SOBP: variants seen among roughly 807,000 people sequenced by gnomAD.
SOBP encodes the protein sine oculis binding protein homolog.
Under a neutral mutation model 53.6 loss-of-function variants are expected in SOBP, and 4 were observed. The ratio of observed to expected loss-of-function variants is 0.07; its 90% CI spans 0.04 to 0.17. The LOEUF (loss-of-function observed/expected upper bound fraction) is 0.17, where lower values mean the gene tolerates loss of function less well. Ranked by LOEUF, SOBP falls within the 10% of genes least tolerant of loss-of-function variation. The pLI is 1.00. For missense variants in SOBP, 1,088 were observed against 1,204.7 expected, an observed-to-expected ratio of 0.90 and a Z score of 1.43; for synonymous variants, 584 against 522.6, an observed-to-expected ratio of 1.12 and a Z score of -1.60.
At chr6:107,616,797 G>A (rs1786809675) in intron 5 of SOBP, among the ~76,000 whole-genome samples, 1 of 150,700 alleles carries the variant, frequency 6.6e-6, no homozygotes, top group Admixed American at 6.6e-5. Flanking sequence ...TCACAGCGAC[G>A]GTTGGCCCAG....
chr6:107,580,760 A>G (rs1785376772), intron 4 of SOBP, among the ~76,000 whole-genome samples: 1 of 152,224 alleles, frequency 6.6e-6, no homozygotes. Context: ...ATTGAGTGCA[A>G]GATCTTCTGT....
At chr6:107,647,957 A>G (rs1771631696) in intron 6 of SOBP, among the ~76,000 whole-genome samples, 1 of 152,170 alleles carries the variant, frequency 6.6e-6, no homozygotes. Flanking sequence ...GTTGGGGGAG[A>G]AATCAGTATT....
intron 4 of SOBP, among the ~76,000 whole-genome samples, chr6:107,578,908 T>A (rs1273925417): frequency 1.3e-5 from 2 of 152,188 alleles, no homozygotes; most frequent in Non-Finnish European, 2.9e-5. Flanking sequence ...TTTCACATTT[T>A]CTCTGATTTC....
chr6:107,643,674 C>T (rs886325007), intron 6 of SOBP, among the ~76,000 whole-genome samples: 3 of 152,236 alleles, frequency 2.0e-5, no homozygotes, highest in Admixed American at 2.0e-4. Context: ...CTGTCTAGGC[C>T]TCCCAAAGTG....
chr6:107,568,955 G>A (rs1465515640), intron 4 of SOBP, among the ~76,000 whole-genome samples: 1 of 151,994 alleles, frequency 6.6e-6, no homozygotes, highest in Non-Finnish European at 1.5e-5. Context: ...AAAAAAGAAA[G>A]AAAGATCCGT....
intron 5 of SOBP, among the ~76,000 whole-genome samples, chr6:107,599,197 A>T (rs1397740327): frequency 2.0e-5 from 3 of 152,168 alleles, no homozygotes; most frequent in African/African-American, 7.2e-5. Flanking sequence ...TGCATCTGTA[A>T]AACAGAAAGA....
At chr6:107,651,690 G>A (rs1437748577) in intron 6 of SOBP, among the ~76,000 whole-genome samples, 1 of 152,172 alleles carries the variant, frequency 6.6e-6, no homozygotes, top group African/African-American at 2.4e-5. Context: ...TGCCAACTAG[G>A]ACTTTCATAG....
At chr6:107,559,241 G>A (rs1405812280) in intron 4 of SOBP, among the ~76,000 whole-genome samples, 3 of 151,994 alleles carry the variant, frequency 2.0e-5, no homozygotes, top group Non-Finnish European at 4.4e-5. Flanking sequence ...CATCTGTACT[G>A]TCAAGTGTTG....
At chr6:107,517,442 CTG>C (rs1044767566) in intron 3 of SOBP, among the ~76,000 whole-genome samples, 2 of 152,096 alleles carry the variant, frequency 1.3e-5, no homozygotes, top group African/African-American at 4.8e-5. Flanking sequence ...AGGCTCTCTG[CTG>C]TCTCTTCTCA....
rs1782911749 is a variant in SOBP at position 107,503,934 on chromosome 6, G to A, written c.235+139G>A. 2.9e-6 allele frequency: 3 copies of A among 1,050,526 alleles called. No individual in the cohort carries two copies. In the African/African-American group the frequency reaches 4.7e-5, roughly 17 times the overall value. The allele number at this position is 1,050,526 out of a possible 1,614,324, so 65.1% of individuals were successfully genotyped here. A position where few individuals can be genotyped will look rare whatever the true frequency, so the allele number is the denominator to read the frequency against. On this transcript the variant is annotated intron_variant, in intron 2 of 6. Coordinates refer to ENST00000317357, the MANE Select transcript of SOBP (RefSeq NM_018013.4). Reference sequence around the variant, plus strand: ...TTGATTTAAACATACATCCCCAATAGTGCTTTCCCATAAGCAGAATTCTGC... The same window carrying A: ...TTGATTTAAACATACATCCCCAATAATGCTTTCCCATAAGCAGAATTCTGC...
At chr6:107,570,368 C>T (rs553445847) in intron 4 of SOBP, among the ~76,000 whole-genome samples, 1 of 152,308 alleles carries the variant, frequency 6.6e-6, no homozygotes, top group South Asian at 2.1e-4. Flanking sequence ...TATCTTTTAG[C>T]CTAAATCAAT....
At chr6:107,627,993 C>T (rs1209943861) in intron 5 of SOBP, among the ~76,000 whole-genome samples, 2 of 152,220 alleles carry the variant, frequency 1.3e-5, no homozygotes, top group South Asian at 2.1e-4. Flanking sequence ...TTAAAAGGCA[C>T]CTGATACTGT....
intron 3 of SOBP, among the ~76,000 whole-genome samples, chr6:107,509,499 T>G (rs1381010432): frequency 6.6e-6 from 1 of 151,520 alleles, no homozygotes; most frequent in African/African-American, 2.4e-5. Flanking sequence ...TGCCCTAGAG[T>G]TATCATGCAC....
At chr6:107,633,231 C>T (rs1324797807) in intron 5 of SOBP, among the ~76,000 whole-genome samples, 2 of 152,156 alleles carry the variant, frequency 1.3e-5, no homozygotes, top group Non-Finnish European at 2.9e-5. Flanking sequence ...TATATATTCC[C>T]TTTTCTCAGA....
At chr6:107,509,533 G>C (rs1783104198) in intron 3 of SOBP, among the ~76,000 whole-genome samples, 1 of 151,788 alleles carries the variant, frequency 6.6e-6, no homozygotes. Context: ...AAAAAGGTGT[G>C]CATCCAAATG....
intron 5 of SOBP, among the ~76,000 whole-genome samples, chr6:107,603,918 G>A (rs1313879981): frequency 1.5e-5 from 2 of 136,436 alleles, no homozygotes; most frequent in African/African-American, 2.5e-5. Flanking sequence ...TTATTTCCTG[G>A]CTGGGACTCA....
At chr6:107,610,757 T>G (rs970688963) in intron 5 of SOBP, among the ~76,000 whole-genome samples, 1 of 151,908 alleles carries the variant, frequency 6.6e-6, no homozygotes, top group Non-Finnish European at 1.5e-5. Context: ...CATCTTTCTC[T>G]TTCTTTGCGC....
chr6:107,533,654 A>G (rs1241911590), intron 4 of SOBP, 44 bp downstream of exon 4: 1 of 1,612,950 alleles, frequency 6.2e-7, no homozygotes, highest in Non-Finnish European at 8.5e-7. Context: ...AGGCCTCACC[A>G]GCCCACACGC....
intron 5 of SOBP, 34 bp downstream of exon 5, chr6:107,587,209 GTTAC>G (rs755835179): frequency 4.0e-5 from 62 of 1,553,356 alleles, no homozygotes; most frequent in Non-Finnish European, 7.1e-6. Flanking sequence ...AGTCTAGAAT[GTTAC>G]TTTAGCACAG....
Sources: allele counts gnomAD v4.1 joint callset (sites outside exome capture counted in the v4.1 genomes callset), GRCh38; gene constraint gnomAD v4.1.1; transcripts MANE v1.5; gene names NCBI Gene and HGNC (gene_info 2026-07-23, HGNC 2026-07-21).